The following CLCC1 variants were observed in gnomAD, a reference collection of about 807,000 sequenced individuals.
CLCC1 encodes the protein chloride channel CLIC-like protein 1.
In CLCC1, 39 loss-of-function variants were observed where a neutral mutation model predicts 63.3. The observed-to-expected ratio is 0.62, with a 90% CI of 0.48 to 0.81. The LOEUF is 0.81. CLCC1 is among the 30% of genes least tolerant of loss of function. The pLI is 0.00. For synonymous variants in CLCC1, 217 were observed against 239.8 expected (o/e 0.90, Z 0.88); for missense variants, 549 against 669.4 (o/e 0.82, Z 1.98).
At chr1:108,944,088 A>G in intron 5 of CLCC1, 31 bp from the exon 6 acceptor site, 1 of 1,490,054 alleles carries the variant, frequency 6.7e-7, no homozygotes, top group Non-Finnish European at 9.1e-7. Flanking sequence ...AACAAACAAT[A>G]GAAAGAGAAT....
intron 2 of CLCC1, among the ~76,000 whole-genome samples, chr1:108,958,890 T>C (rs932209282): frequency 2.3e-5 from 3 of 132,804 alleles, no homozygotes; most frequent in South Asian, 2.4e-4. Context: ...AAAAAATAAA[T>C]AGGCCAGGCA....
chr1:108,952,064 C>T (rs1188570648), intron 2 of CLCC1, among the ~76,000 whole-genome samples: 2 of 152,156 alleles, frequency 1.3e-5, no homozygotes, highest in African/African-American at 4.8e-5. Context: ...AGGCATGAGC[C>T]ACTGCACCTG....
intron 7 of CLCC1, among the ~76,000 whole-genome samples, chr1:108,942,294 TCTTATTTTC>T (rs1653954048): frequency 6.6e-6 from 1 of 152,160 alleles, no homozygotes; most frequent in South Asian, 2.1e-4. Flanking sequence ...AATGACTACT[TCTTATTTTC>T]TTTTATAGTT....
chr1:108,947,429 C>T (rs1361746423), intron 5 of CLCC1, among the ~76,000 whole-genome samples, 182 bp downstream of exon 5: 1 of 152,196 alleles, frequency 6.6e-6, no homozygotes, highest in East Asian at 1.9e-4. Flanking sequence ...TCATCTTCCA[C>T]CAGACCACTG....
chr1:108,937,315 T>C lies in CLCC1; in HGVS notation c.1145A>G (p.Gln382Arg), dbSNP rs1653162868. ...ATCAGGTCTATAATCAATTTCCTCC[T>C]GCCGTCTTCTATCCCGTGGCCGAAG... ...QALRPRDRRR[Q>R]EEIDYRPDGG... is the part of the protein sequence containing the mutation. Residue 382 changes from glutamine (Q) to arginine (R), a missense_variant, in exon 11 of 13, where the codon CAG becomes CGG. By Grantham distance (43) the Gln-to-Arg change is conservative (BLOSUM62 1). Coordinates refer to ENST00000369969, the MANE Select transcript of CLCC1 (RefSeq NM_001377458.1). 1.2e-6 allele frequency: 2 copies of C among 1,614,244 alleles called. No homozygotes were observed. The highest frequency in any genetic ancestry group is 1.7e-6 in the Non-Finnish European group (2 of 1,180,026).
intron 6 of CLCC1, 95 bp from the exon 7 acceptor site, chr1:108,943,710 T>G (rs1571033810): frequency 6.5e-7 from 1 of 1,533,220 alleles, no homozygotes; most frequent in East Asian, 2.3e-5. Context: ...TCTACAATTT[T>G]GTGGCTTGTT....
intron 4 of CLCC1, among the ~76,000 whole-genome samples, chr1:108,949,554 C>A (rs911263414): frequency 1.3e-5 from 2 of 152,148 alleles, no homozygotes; most frequent in Admixed American, 1.3e-4. Context: ...GTATTCCTTG[C>A]ACCAAGAAGT....
rs371265789 is a variant in CLCC1, at chr1:108,929,975, G to T, written c.*2572C>A. On this transcript the variant is annotated 3_prime_UTR_variant, in exon 13 of 13. Transcript: ENST00000369969. ...ATTTATTTTTTTTCCTTTCAAACAC[G>T]GTAAGGAAACAATCTATTACTTTTT... The T allele has an allele frequency of 6.3e-7, 1 of 1,584,316 alleles. No homozygotes were observed. Among genetic ancestry groups the T allele is most frequent in the Non-Finnish European group, 8.7e-7 (1 of 1,154,918 alleles).
At chr1:108,961,646 G>A (rs508222) in intron 2 of CLCC1, among the ~76,000 whole-genome samples, 88 of 152,286 alleles carry the variant, frequency 5.8e-4, no homozygotes, top group African/African-American at 2.1e-3. Context: ...CATCACCTGA[G>A]GTTGGGAGCT....
In CLCC1 at chr1:108,940,539, C is replaced by A. The variant is rs944447077; in HGVS notation, c.797-397G>T. Among the ~76,000 whole-genome samples, 54 of 152,164 alleles carry A rather than the reference C, an allele frequency of 3.5e-4. 1 individual carries two copies. The highest frequency in any genetic ancestry group is 3.3e-3 in the Admixed American group (50 of 15,282). On this transcript the variant is annotated intron_variant, in intron 8 of 12. Transcript: ENST00000369969. Reference sequence around the variant, plus strand: ...CTATTAAAGCTGTGCAAGATGTCACCACTGGAGGAAAATGGGGAAAGGGTA... The same window carrying A: ...CTATTAAAGCTGTGCAAGATGTCACAACTGGAGGAAAATGGGGAAAGGGTA...
intron 2 of CLCC1, among the ~76,000 whole-genome samples, chr1:108,956,605 G>T (rs974259585): frequency 6.7e-6 from 1 of 149,208 alleles, no homozygotes; most frequent in Non-Finnish European, 1.5e-5. Flanking sequence ...AAGTTGCAGT[G>T]AGGCGAGATC....
chr1:108,957,467 C>T (rs1439896765), intron 2 of CLCC1, among the ~76,000 whole-genome samples: 1 of 151,444 alleles, frequency 6.6e-6, no homozygotes, highest in African/African-American at 2.5e-5. Flanking sequence ...TGGAAGGCCA[C>T]CCACTAAGTG....
intron 2 of CLCC1, among the ~76,000 whole-genome samples, chr1:108,961,917 T>A (rs1225044212): frequency 6.6e-6 from 1 of 152,224 alleles, no homozygotes; most frequent in African/African-American, 2.4e-5. Context: ...TACATTAATT[T>A]AATCCTCACA....
At chr1:108,944,174 G>C (rs1232393719) in intron 5 of CLCC1, 117 bp from the exon 6 acceptor site, 4 of 739,608 alleles carry the variant, frequency 5.4e-6, no homozygotes, top group Non-Finnish European at 8.7e-6. Context: ...TATTTCATAT[G>C]TATAAGAATA....
intron 12 of CLCC1, 48 bp downstream of exon 12, chr1:108,934,574 GTAA>G: frequency 1.4e-6 from 2 of 1,419,230 alleles, no homozygotes; most frequent in Non-Finnish European, 1.9e-6. Context: ...CACCTTTGTA[GTAA>G]TCAGAATTCT....
Position 108,963,396 on chromosome 1 carries a change from C to T in CLCC1, c.-208G>A, listed in dbSNP as rs1378209828. On this transcript the variant is annotated 5_prime_UTR_variant, in exon 1 of 13. The change creates a new upstream start codon in the 5' untranslated region. Transcript: ENST00000369969. The stretch of plus-strand genomic sequence containing the variant: ...CCCTGCCTGCCTCTCGAGGAAGACA[C>T]CTGCCCAGGCCGGCCGCAGAAGAGG... The T allele has an allele frequency of 4.3e-6, 3 of 702,348 alleles. No individual in the cohort carries two copies. In the Admixed American group the frequency reaches 6.0e-5, roughly 14 times the overall value. The allele number at this position is 702,348 out of a possible 1,614,324, so 43.5% of individuals were successfully genotyped here. A position where few individuals can be genotyped will look rare whatever the true frequency, so the allele number is the denominator to read the frequency against.
At chr1:108,954,356 G>A (rs844450) in intron 2 of CLCC1, among the ~76,000 whole-genome samples, 78,376 of 150,544 alleles carry the variant, frequency 0.52, 21,080 homozygotes, top group Admixed American at 0.55. Context: ...TTAGCCAGGC[G>A]TGGTGGCACA....
Position 108,948,260 on chromosome 1 carries a change from T to G in CLCC1, c.232-542A>C, listed in dbSNP as rs773919825. ...CAGCAATTAATCATCCCATGCTGTATGGAATGCTCAGGAAGGCAGGAACTG... is the reference window on the plus strand; with the variant it reads ...CAGCAATTAATCATCCCATGCTGTAGGGAATGCTCAGGAAGGCAGGAACTG... On this transcript the variant is annotated intron_variant, in intron 4 of 12. Coordinates refer to ENST00000369969, the MANE Select transcript of CLCC1 (RefSeq NM_001377458.1). 5.3e-5 allele frequency among the ~76,000 whole-genome samples: 8 copies of G among 152,212 alleles called. 1 individual carries two copies. Among genetic ancestry groups the G allele is most frequent in the Non-Finnish European group, 1.0e-4 (7 of 68,042 alleles).
At chr1:108,950,250 A>T (rs546838926) in intron 3 of CLCC1, 59 bp downstream of exon 3, 1 of 1,546,220 alleles carries the variant, frequency 6.5e-7, no homozygotes, top group Middle Eastern at 1.7e-4. Context: ...ACAGAGCTAG[A>T]CTGTTTCCAT....
Sources: allele counts gnomAD v4.1 joint callset (sites outside exome capture counted in the v4.1 genomes callset), GRCh38; gene constraint gnomAD v4.1.1; transcripts MANE v1.5; gene names NCBI Gene and HGNC (gene_info 2026-07-23, HGNC 2026-07-21).